CRB1: variants seen among roughly 807,000 people sequenced by gnomAD.
CRB1 encodes crumbs cell polarity complex component 1.
Under a neutral mutation model 120.0 loss-of-function variants are expected in CRB1, and 83 were observed. That is an observed-to-expected ratio of 0.69 (90% CI 0.58 to 0.83). The LOEUF is 0.83. CRB1 is among the 40% of genes least tolerant of loss of function. The pLI is 0.00. For missense variants in CRB1, 1,699 were observed against 1,687.6 expected, an observed-to-expected ratio of 1.01 and a Z score of -0.12; for synonymous variants, 625 against 612.5, an observed-to-expected ratio of 1.02 and a Z score of -0.30.
intron 5 of CRB1, among the ~76,000 whole-genome samples, chr1:197,382,995 C>A (rs1416946165): frequency 6.6e-6 from 1 of 152,148 alleles, no homozygotes; most frequent in South Asian, 2.1e-4. Context: ...AACAGAAGTA[C>A]AAAATTGGTA....
chr1:197,351,382 A>AAAAAAAAAAAG (rs1558073140), intron 4 of CRB1, among the ~76,000 whole-genome samples: 1 of 138,906 alleles, frequency 7.2e-6, no homozygotes, highest in Non-Finnish European at 1.5e-5. Context: ...AAAAAAAAAA[A>AAAAAAAAAAAG]AAAAGGAGAA....
chr1:197,223,133 C>G, the CRB1 span: 8 of 878,020 alleles, frequency 9.1e-6, no homozygotes, highest in African/African-American at 8.3e-5. Context: ...CAACATGATA[C>G]TTTGGATAAT....
intron 11 of CRB1, among the ~76,000 whole-genome samples, chr1:197,472,529 A>C (rs1049787472): frequency 6.6e-6 from 1 of 152,162 alleles, no homozygotes; most frequent in African/African-American, 2.4e-5. Context: ...GCAATGTTTC[A>C]TATTTTTTCA....
intron 1 of CRB1, among the ~76,000 whole-genome samples, chr1:197,281,826 A>G (rs2125220515): frequency 6.6e-6 from 1 of 152,026 alleles, no homozygotes; most frequent in East Asian, 1.9e-4. Flanking sequence ...CACGGAAAAT[A>G]TAGGATGAAT....
intron 11 of CRB1, among the ~76,000 whole-genome samples, chr1:197,452,050 A>G (rs1665999371): frequency 6.6e-6 from 1 of 152,218 alleles, no homozygotes; most frequent in Non-Finnish European, 1.5e-5. Context: ...AGAAGGGAGA[A>G]TTAAAGAGTT....
At chr1:197,470,484 T>C (rs186185998) in intron 11 of CRB1, among the ~76,000 whole-genome samples, 28 of 152,350 alleles carry the variant, frequency 1.8e-4, no homozygotes, top group African/African-American at 6.5e-4. Flanking sequence ...CTTTCAACAA[T>C]AAATTTACAA....
chr1:197,464,617 A>C (rs1666675125), intron 11 of CRB1, among the ~76,000 whole-genome samples: 1 of 152,148 alleles, frequency 6.6e-6, no homozygotes, highest in South Asian at 2.1e-4. Context: ...TAAAAAAATA[A>C]AATTTCCCTG....
rs1337167 is a variant in CRB1, at chr1:197,347,305, T to C, written c.849-35T>C. 1,269,808 of 1,595,734 alleles carry C rather than the reference T, an allele frequency of 0.8. 507,151 individuals are homozygous for C. Among genetic ancestry groups the C allele is most frequent in the African/African-American group, 0.91 (68,069 of 74,658 alleles). The stretch of plus-strand genomic sequence containing the variant: ...TAAAGATATCTGATCTCAATATGAC[T>C]AAGAGTTGACATGAAAATTTCATTT... On this transcript the variant is annotated intron_variant, in intron 3 of 11. Transcript: ENST00000367400.
At chr1:197,219,001 CAGTA>C in the CRB1 span, among the ~76,000 whole-genome samples, 1 of 152,094 alleles carries the variant, frequency 6.6e-6, no homozygotes, top group African/African-American at 2.4e-5. Flanking sequence ...GAGGCATAGA[CAGTA>C]AGAGGACTAA....
Position 197,348,268 on chromosome 1 carries a change from T to C in CRB1, c.988+789T>C, listed in dbSNP as rs373837387. Among the ~76,000 whole-genome samples, 109 of 152,304 alleles carry C rather than the reference T, an allele frequency of 7.2e-4. 1 individual carries two copies. The highest frequency in any genetic ancestry group is 2.3e-3 in the African/African-American group (95 of 41,566). ...ATTCCAAAAGAACGCATTGTTGTCA[T>C]AGGAGATGACAGCTTCATGTGTGTT... On this transcript the variant is annotated intron_variant, in intron 4 of 11. Transcript: ENST00000367400.
chr1:197,228,167 G>A, the CRB1 span, among the ~76,000 whole-genome samples: 1,078 of 152,252 alleles, frequency 7.1e-3, 12 homozygotes, highest in African/African-American at 0.024. Context: ...TTTCCCCCTT[G>A]TTTTGGGGAT....
At chr1:197,320,856 C>A (rs1658149013) in intron 1 of CRB1, among the ~76,000 whole-genome samples, 1 of 152,086 alleles carries the variant, frequency 6.6e-6, no homozygotes, top group African/African-American at 2.4e-5. Context: ...AGAATGATTT[C>A]ATTTATGTTA....
At chr1:197,335,726 C>T (rs919417499) in intron 2 of CRB1, among the ~76,000 whole-genome samples, 4 of 152,118 alleles carry the variant, frequency 2.6e-5, no homozygotes, top group African/African-American at 9.7e-5. Flanking sequence ...CCTCGATCTC[C>T]GGAGCCTGTG....
In CRB1 at chr1:197,467,326, A is replaced by AT. The variant is rs796628069; in HGVS notation, c.4006-10328dup. Among the ~76,000 whole-genome samples the AT allele has an allele frequency of 9.9e-4, 148 of 149,546 alleles. 1 individual carries two copies. Among genetic ancestry groups the AT allele is most frequent in the Middle Eastern group, 6.9e-3 (2 of 288 alleles). On this transcript the variant is annotated intron_variant, in intron 11 of 11. Coordinates refer to ENST00000367400, the MANE Select transcript of CRB1 (RefSeq NM_201253.3). ...GCTTTATCTCTGTCCATATACATGT[A>AT]TTTTTTTTTTGCTCAGTAATTAGAA...
At chr1:197,357,408 A>G (rs1380417520) in intron 5 of CRB1, 2 of 275,802 alleles carry the variant, frequency 7.3e-6, no homozygotes, top group Non-Finnish European at 1.4e-5. Flanking sequence ...GGGAAAAATG[A>G]CCTAGTCTCA....
the CRB1 span, among the ~76,000 whole-genome samples, chr1:197,215,334 A>C: frequency 2.0e-5 from 3 of 149,440 alleles, no homozygotes; most frequent in Admixed American, 2.0e-4. Flanking sequence ...CTGGAGTCCA[A>C]TGGCACGATC....
chr1:197,267,271 A>AT (rs916473954), upstream of CRB1, among the ~76,000 whole-genome samples: 1 of 152,218 alleles, frequency 6.6e-6, no homozygotes, highest in African/African-American at 2.4e-5. Flanking sequence ...ATCTTTAAAA[A>AT]TAATAATTGT....
At chr1:197,252,380 C>T in the CRB1 span, among the ~76,000 whole-genome samples, 1 of 150,182 alleles carries the variant, frequency 6.7e-6, no homozygotes, top group South Asian at 2.1e-4. Context: ...ATTCTCTATT[C>T]CCCCTTCATG....
the CRB1 span, among the ~76,000 whole-genome samples, chr1:197,245,525 G>A: frequency 6.6e-6 from 1 of 151,974 alleles, no homozygotes; most frequent in Non-Finnish European, 1.5e-5. Flanking sequence ...AAAAAAGACA[G>A]ATATTAAAAG....
Sources: allele counts gnomAD v4.1 joint callset (sites outside exome capture counted in the v4.1 genomes callset), GRCh38; gene constraint gnomAD v4.1.1; transcripts MANE v1.5; gene names NCBI Gene and HGNC (gene_info 2026-07-23, HGNC 2026-07-21).